DYM: variants seen among roughly 807,000 people sequenced by gnomAD.
The protein encoded by DYM is dymeclin, also known as dyggve-Melchior-Clausen syndrome protein.
DYM carries 78 observed loss-of-function variants against 93.1 expected under a neutral mutation model. The observed-to-expected ratio is 0.84, with a 90% CI of 0.70 to 1.01. The LOEUF is 1.01. DYM is among the 50% of genes least tolerant of loss of function. DYM has a pLI of 0.00. For synonymous variants in DYM, 321 were observed against 319.7 expected (o/e 1.00, Z -0.04); for missense variants, 789 against 845.0 (o/e 0.93, Z 0.82).
chr18:49,157,301 C>T (rs1181971640), intron 15 of DYM, among the ~76,000 whole-genome samples: 2 of 152,132 alleles, frequency 1.3e-5, no homozygotes, highest in Non-Finnish European at 2.9e-5. Context: ...CACTAAAGAG[C>T]TCAGAGACAG....
chr18:49,080,424 C>T (rs2077803543), intron 17 of DYM, among the ~76,000 whole-genome samples: 1 of 131,144 alleles, frequency 7.6e-6, no homozygotes, highest in South Asian at 2.7e-4. Flanking sequence ...GGTGGCTGGC[C>T]CGGCAGAGGG....
intron 8 of DYM, among the ~76,000 whole-genome samples, chr18:49,320,911 T>C (rs149081638): frequency 2.6e-3 from 393 of 152,326 alleles, no homozygotes; most frequent in African/African-American, 8.5e-3. Context: ...TTTGAGGATT[T>C]TTCCTACCAT....
At chr18:49,130,531 GTTGT>G (rs149983752) in intron 15 of DYM, among the ~76,000 whole-genome samples, 3,818 of 151,938 alleles carry the variant, frequency 0.025, 59 homozygotes, top group South Asian at 0.066. Flanking sequence ...ATTCTTTTGA[GTTGT>G]TTGTCAGGAA....
chr18:49,130,304 G>A (rs928791337), intron 15 of DYM, among the ~76,000 whole-genome samples: 1 of 152,180 alleles, frequency 6.6e-6, no homozygotes, highest in Non-Finnish European at 1.5e-5. Flanking sequence ...AGCTGGTGGT[G>A]CACTGAAGAC....
intron 8 of DYM, among the ~76,000 whole-genome samples, chr18:49,330,619 T>C (rs543329567): frequency 1.4e-4 from 22 of 152,318 alleles, no homozygotes; most frequent in African/African-American, 4.3e-4. Flanking sequence ...CTTACAGGCT[T>C]ATACTATCTC....
In DYM at chr18:49,443,670, T is replaced by C. The variant is rs913784985; in HGVS notation, c.-53-13223A>G. On this transcript the variant is annotated intron_variant, in intron 1 of 17. Coordinates refer to ENST00000675505, the MANE Select transcript of DYM (RefSeq NM_001353214.3). ...CCACACAGCATTCACTCCCAACTCA[T>C]GAGAGCAATGAGCAGGAAAATGGGC... Among the ~76,000 whole-genome samples the C allele has an allele frequency of 3.9e-5, 6 of 152,128 alleles. No individual in the cohort carries two copies. In the East Asian group the frequency reaches 9.6e-4, roughly 24 times the overall value.
At chr18:49,434,664 TTAAAAA>T (rs202181606) in intron 1 of DYM, among the ~76,000 whole-genome samples, 2,209 of 152,084 alleles carry the variant, frequency 0.015, 51 homozygotes, top group African/African-American at 0.05. Context: ...ACTACTTTGA[TTAAAAA>T]TAAAATATTT....
intron 6 of DYM, among the ~76,000 whole-genome samples, chr18:49,350,701 A>G (rs9284427): frequency 1 from 145,495 of 145,790 alleles, 72,602 homozygotes; most frequent in Middle Eastern, 1. Flanking sequence ...GTGAGACTCC[A>G]TCTCAAGAAA....
intron 7 of DYM, among the ~76,000 whole-genome samples, chr18:49,333,395 T>C (rs890373223): frequency 4.6e-5 from 7 of 152,086 alleles, no homozygotes; most frequent in African/African-American, 1.7e-4. Flanking sequence ...AAGAGGAAGA[T>C]ACAAAAATAA....
chr18:49,154,378 G>GA lies in DYM; in HGVS notation c.1728+9306dup, dbSNP rs145089430. Among the ~76,000 whole-genome samples, 412 of 152,218 alleles carry GA rather than the reference G, an allele frequency of 2.7e-3. 3 individuals are homozygous for GA. Among genetic ancestry groups the GA allele is most frequent in the African/African-American group, 9.1e-3 (379 of 41,542 alleles). ...ATATTAGCAAAAGGGAGAATTGGGT[G>GA]AAGTATATATGAAAATTCATTTTTG... is the stretch of plus-strand genomic sequence containing the variant. On this transcript the variant is annotated intron_variant, in intron 15 of 17. Coordinates refer to ENST00000675505, the MANE Select transcript of DYM (RefSeq NM_001353214.3).
chr18:49,200,636 T>C (rs2091913235), intron 14 of DYM, among the ~76,000 whole-genome samples: 1 of 152,032 alleles, frequency 6.6e-6, no homozygotes, highest in Non-Finnish European at 1.5e-5. Context: ...GGTTAAGTTC[T>C]TCCCTTAAGA....
intron 17 of DYM, among the ~76,000 whole-genome samples, chr18:49,084,374 C>A (rs1413386047): frequency 1.3e-5 from 2 of 152,108 alleles, no homozygotes; most frequent in Admixed American, 6.5e-5. Flanking sequence ...TGTGACCCAG[C>A]ACATGGTCTA....
chr18:49,299,122 A>G (rs559371990), intron 8 of DYM, among the ~76,000 whole-genome samples: 1 of 152,298 alleles, frequency 6.6e-6, no homozygotes, highest in African/African-American at 2.4e-5. Flanking sequence ...TGTTTCCCAA[A>G]ATGGTACACG....
intron 14 of DYM, among the ~76,000 whole-genome samples, chr18:49,195,173 C>T (rs2091327912): frequency 6.6e-6 from 1 of 152,134 alleles, no homozygotes. Context: ...ATTTTCCCAA[C>T]ACTTTATTCT....
intron 17 of DYM, among the ~76,000 whole-genome samples, chr18:49,064,941 C>G (rs546206859): frequency 1.3e-5 from 2 of 151,452 alleles, no homozygotes; most frequent in South Asian, 4.2e-4. Flanking sequence ...CACAGATGTT[C>G]TATCCCCAAG....
chr18:49,101,780 G>A (rs1025097388), intron 16 of DYM, among the ~76,000 whole-genome samples: 3 of 152,040 alleles, frequency 2.0e-5, no homozygotes, highest in Non-Finnish European at 4.4e-5. Context: ...TTCAGCAGAG[G>A]AGCTCTCCCG....
chr18:49,329,477 G>A (rs1235615879), intron 8 of DYM: 1 of 152,154 alleles, frequency 6.6e-6, no homozygotes, highest in Admixed American at 6.5e-5. Flanking sequence ...GTGCAACAAA[G>A]TAACAGACTC....
intron 11 of DYM, among the ~76,000 whole-genome samples, chr18:49,268,557 A>T (rs941054355): frequency 6.6e-6 from 1 of 152,214 alleles, no homozygotes; most frequent in Non-Finnish European, 1.5e-5. Context: ...TAAAAAGTAT[A>T]ACCACATATG....
At chr18:49,135,757 T>G (rs371649156) in intron 15 of DYM, among the ~76,000 whole-genome samples, 2 of 152,240 alleles carry the variant, frequency 1.3e-5, no homozygotes, top group Non-Finnish European at 2.9e-5. Context: ...AATGAAATGC[T>G]CTAAGCTGTG....
Sources: gnomAD v4.1 joint callset for allele counts (sites outside exome capture counted in the v4.1 genomes callset) on GRCh38, gnomAD v4.1.1 for gene constraint, MANE v1.5 for transcripts, NCBI Gene and HGNC (gene_info 2026-07-23, HGNC 2026-07-21) for gene names.